DUSP22: variants seen among roughly 807,000 people sequenced by gnomAD.
DUSP22 encodes the protein dual specificity phosphatase 22, also known as dual specificity protein phosphatase 22.
DUSP22 carries 24 observed loss-of-function variants against 24.5 expected under a neutral mutation model. That is an observed-to-expected ratio of 0.98 (90% CI 0.71 to 1.38). The LOEUF is 1.38. DUSP22 is among the 40% of genes most tolerant of loss of function. The pLI is 0.00. For missense variants in DUSP22, 330 were observed against 269.2 expected, an observed-to-expected ratio of 1.23 and a Z score of -1.58; for synonymous variants, 160 against 106.4, an observed-to-expected ratio of 1.50 and a Z score of -3.10.
At chr6:333,827 G>A (rs894759759) in intron 3 of DUSP22, among the ~76,000 whole-genome samples, 17 of 152,410 alleles carry the variant, frequency 1.1e-4, no homozygotes, top group Non-Finnish European at 1.0e-4. Context: ...AGTAGCTGCC[G>A]ATCCGACTCC....
At chr6:342,028 T>C (rs956645620) in intron 4 of DUSP22, among the ~76,000 whole-genome samples, 1 of 152,308 alleles carries the variant, frequency 6.6e-6, no homozygotes, top group East Asian at 1.9e-4. Flanking sequence ...AAGTGAGATA[T>C]AAGAAGTGGT....
intron 4 of DUSP22, chr6:336,932 G>A (rs1230586327): frequency 2.0e-5 from 3 of 152,414 alleles, no homozygotes; most frequent in Non-Finnish European, 2.9e-5. Context: ...TTTTTAGAAT[G>A]GTTGCTTTGC....
At chr6:319,575 C>CG (rs1758496664) in intron 3 of DUSP22, among the ~76,000 whole-genome samples, 1 of 152,300 alleles carries the variant, frequency 6.6e-6, no homozygotes, top group African/African-American at 2.4e-5. Flanking sequence ...CACAGATGCC[C>CG]GGGGGATACA....
intron 4 of DUSP22, among the ~76,000 whole-genome samples, chr6:340,091 G>A (rs1759536817): frequency 6.6e-6 from 1 of 152,306 alleles, no homozygotes; most frequent in Non-Finnish European, 1.5e-5. Context: ...TATTCTTCTG[G>A]GAAATGATGT....
intron 1 of DUSP22, among the ~76,000 whole-genome samples, chr6:304,306 A>G (rs1001383462): frequency 2.0e-5 from 3 of 152,304 alleles, no homozygotes; most frequent in Non-Finnish European, 2.9e-5. Context: ...GCAGAGCTGC[A>G]GGGCCGCCAG....
chr6:349,920 A>G lies in DUSP22; in HGVS notation c.*969A>G. On this transcript the variant is annotated 3_prime_UTR_variant, in exon 7 of 7. Transcript: ENST00000419235. ...CTCCTTGCCAGCTTCATTCACTCCC[A>G]GCCTCTCGCTGTCCTCACTTTGCAG... 1 of 986,022 alleles carries G rather than the reference A, an allele frequency of 1.0e-6. No homozygotes were observed. Among genetic ancestry groups the G allele is most frequent in the African/African-American group, 1.7e-5 (1 of 57,410 alleles). 61.1% of individuals were successfully genotyped at this position (986,022 alleles called of 1,614,324 possible).
chr6:338,342 T>C (rs947795919), intron 4 of DUSP22, among the ~76,000 whole-genome samples: 3 of 152,308 alleles, frequency 2.0e-5, no homozygotes, highest in Admixed American at 6.5e-5. Flanking sequence ...CTGTTACAAG[T>C]GTTCTACTGG....
chr6:319,269 G>A (rs1758476993), intron 3 of DUSP22, among the ~76,000 whole-genome samples: 1 of 152,308 alleles, frequency 6.6e-6, no homozygotes, highest in Non-Finnish European at 1.5e-5. Flanking sequence ...GTAATGACAG[G>A]TAGATTTCAT....
At chr6:333,819 T>A (rs1035293006) in intron 3 of DUSP22, among the ~76,000 whole-genome samples, 3 of 152,292 alleles carry the variant, frequency 2.0e-5, no homozygotes, top group Admixed American at 2.0e-4. Flanking sequence ...TCCCACTCAG[T>A]AGCTGCCGAT....
intron 3 of DUSP22, among the ~76,000 whole-genome samples, chr6:333,592 A>G (rs1231045720): frequency 6.6e-6 from 1 of 152,298 alleles, no homozygotes; most frequent in African/African-American, 2.4e-5. Context: ...TTCAGCAGGA[A>G]ACAGCTTTTA....
rs553936943 is a variant in DUSP22, at chr6:350,419, C to T, written c.*1468C>T. 2,115 of 1,114,522 alleles carry T rather than the reference C, an allele frequency of 1.9e-3. No homozygotes were observed. Among genetic ancestry groups the T allele is most frequent in the Middle Eastern group, 9.5e-3 (23 of 2,414 alleles). 69.0% of individuals were successfully genotyped at this position (1,114,522 alleles called of 1,614,324 possible). ...AATGAAAAAACATACTCGACCTCTC[C>T]CTAAAAAGATGTTGCAACCCAGTTT... On this transcript the variant is annotated 3_prime_UTR_variant, in exon 7 of 7. Transcript: ENST00000419235.
At chr6:309,467 G>T (rs1037117537) in intron 2 of DUSP22, among the ~76,000 whole-genome samples, 2 of 152,300 alleles carry the variant, frequency 1.3e-5, no homozygotes, top group Admixed American at 6.5e-5. Flanking sequence ...AGCCTGAGAG[G>T]TTGGAGCAAT....
At chr6:348,590 GC>G (rs1760002259) in intron 6 of DUSP22, 178 bp from the exon 7 acceptor site, 15 of 1,090,210 alleles carry the variant, frequency 1.4e-5, no homozygotes, top group Non-Finnish European at 1.8e-5. Context: ...CCTTGAAGGA[GC>G]AGTTCCTTCT....
In DUSP22 at chr6:349,034, A is replaced by G. The variant is rs909509072; in HGVS notation, c.*83A>G. On this transcript the variant is annotated 3_prime_UTR_variant, in exon 7 of 7. Coordinates refer to ENST00000419235, the MANE Select transcript of DUSP22 (RefSeq NM_001286555.3). ...AGGGGTGCGGTGGTGGTGGCCGATG[A>G]GGACAGGAAAGGGAGATAGCCAGGG... 6.4e-5 allele frequency: 98 copies of G among 1,520,672 alleles called. No homozygotes were observed. The highest frequency in any genetic ancestry group is 2.2e-4 in the Middle Eastern group (1 of 4,488). The allele number at this position is 1,520,672 out of a possible 1,614,324, so 94.2% of individuals were successfully genotyped here. A position where few individuals can be genotyped will look rare whatever the true frequency, so the allele number is the denominator to read the frequency against.
At chr6:305,012 G>A (rs1024283999) in intron 2 of DUSP22, among the ~76,000 whole-genome samples, 10 of 152,290 alleles carry the variant, frequency 6.6e-5, no homozygotes, top group East Asian at 1.9e-4. Flanking sequence ...GTGTTGCGGC[G>A]TGTGTCAGAA....
chr6:302,748 A>G (rs1237807874), intron 1 of DUSP22, among the ~76,000 whole-genome samples: 1 of 152,306 alleles, frequency 6.6e-6, no homozygotes, highest in Non-Finnish European at 1.5e-5. Flanking sequence ...ACTGCTGTAA[A>G]AAGTGATCCT....
At chr6:345,068 C>T (rs868529648) in intron 4 of DUSP22, among the ~76,000 whole-genome samples, 1 of 152,300 alleles carries the variant, frequency 6.6e-6, no homozygotes, top group African/African-American at 2.4e-5. Flanking sequence ...TCCAAAACTT[C>T]CAGACAACCC....
chr6:320,657 A>G (rs111251924), intron 3 of DUSP22, among the ~76,000 whole-genome samples: 12,260 of 148,562 alleles, frequency 0.083, 39 homozygotes, highest in Non-Finnish European at 0.11. Context: ...AGACTTTGTA[A>G]AGAGAGGGGT....
intron 3 of DUSP22, 51 bp from the exon 4 acceptor site, chr6:335,063 A>C: frequency 6.3e-7 from 1 of 1,585,968 alleles, no homozygotes; most frequent in Non-Finnish European, 8.6e-7. Context: ...ACTTTTCTCC[A>C]CTGAGTTTCA....
Sources: gnomAD v4.1 joint callset for allele counts (sites outside exome capture counted in the v4.1 genomes callset) on GRCh38, gnomAD v4.1.1 for gene constraint, MANE v1.5 for transcripts, NCBI Gene and HGNC (gene_info 2026-07-23, HGNC 2026-07-21) for gene names.